Variants in ESF1 observed in about 807,000 individuals in gnomAD.
ESF1 encodes the protein ESF1 homolog.
In ESF1, 58 loss-of-function variants were observed where a neutral mutation model predicts 92.0. That is an observed-to-expected ratio of 0.63 (90% CI 0.51 to 0.78). The LOEUF is 0.78. ESF1 is among the 30% of genes least tolerant of loss of function. The pLI is 0.00. For missense variants in ESF1, 922 were observed against 989.1 expected, an observed-to-expected ratio of 0.93 and a Z score of 0.91; for synonymous variants, 321 against 313.7, an observed-to-expected ratio of 1.02 and a Z score of -0.24.
rs1416271025 is a variant in ESF1, at chr20:13,775,895, TTATC to T, written c.1009_1012del (p.Asp337LysfsTer13). 2 of 1,608,526 alleles carry T rather than the reference TTATC, an allele frequency of 1.2e-6. No individual in the cohort carries two copies. Among genetic ancestry groups the T allele is most frequent in the Admixed American group, 1.7e-5 (1 of 59,316 alleles). On this transcript the variant is annotated frameshift_variant, in exon 3 of 14. Transcript: ENST00000617257. LOFTEE classifies it high-confidence loss of function. ...TACCTCATCAGCACGAGGAGCATCT[TTATC>T]TAATTCTCTCCAAGCATGCTCAAAA...
At chr20:13,738,317 C>CT (rs33948226) in intron 9 of ESF1, among the ~76,000 whole-genome samples, 124,893 of 144,634 alleles carry the variant, frequency 0.86, 53,988 homozygotes, top group East Asian at 0.98. Context: ...CTCTCCTAAA[C>CT]TTTTTTTTTT....
chr20:13,746,742 G>C (rs901854335), intron 9 of ESF1, among the ~76,000 whole-genome samples: 3 of 152,078 alleles, frequency 2.0e-5, no homozygotes, highest in Non-Finnish European at 2.9e-5. Context: ...ACACTTCTTT[G>C]TTATAAAAAA....
At chr20:13,724,210 G>A (rs369539933) in intron 11 of ESF1, among the ~76,000 whole-genome samples, 17 of 152,254 alleles carry the variant, frequency 1.1e-4, no homozygotes, top group East Asian at 9.6e-4. Flanking sequence ...CAGGAGAATC[G>A]CTTGAACCCA....
At position 13,771,323 on chromosome 20, in the gene ESF1, T is replaced by C. The variant is rs1173641991; in HGVS notation, c.1403+8A>G. 2 of 1,609,442 alleles carry C rather than the reference T, an allele frequency of 1.2e-6. No homozygotes were observed. Among genetic ancestry groups the C allele is most frequent in the Admixed American group, 1.7e-5 (1 of 59,818 alleles). On this transcript the variant is annotated splice_region_variant and intron_variant, in intron 6 of 13. Coordinates refer to ENST00000617257, the MANE Select transcript of ESF1 (RefSeq NM_001276380.2). ...AAGATTAAATTGGTAATACATACAC[T>C]GGATTACCTTAGATCTATGAAAGAA...
At chr20:13,719,204 A>C (rs2049851239) in intron 11 of ESF1, among the ~76,000 whole-genome samples, 1 of 152,186 alleles carries the variant, frequency 6.6e-6, no homozygotes, top group Non-Finnish European at 1.5e-5. Context: ...ACAAAGGAAG[A>C]ATTTCTTTCA....
At chr20:13,770,080 G>T in intron 6 of ESF1, 59 bp from the exon 7 acceptor site, 2 of 957,610 alleles carry the variant, frequency 2.1e-6, no homozygotes, top group Non-Finnish European at 1.6e-6. Flanking sequence ...CCACAGTTTA[G>T]ATTCTCATCT....
At chr20:13,752,949 C>T (rs1017504920) in intron 9 of ESF1, among the ~76,000 whole-genome samples, 2 of 152,098 alleles carry the variant, frequency 1.3e-5, no homozygotes, top group Non-Finnish European at 2.9e-5. Context: ...TCCTTGCCAG[C>T]GTGAGACAGT....
intron 4 of ESF1, among the ~76,000 whole-genome samples, 157 bp downstream of exon 4, chr20:13,775,000 C>G (rs1427036401): frequency 6.6e-6 from 1 of 150,728 alleles, no homozygotes. Flanking sequence ...TCCTTTCTAA[C>G]ATTTATACCT....
Position 13,770,021 on chromosome 20 carries a change from C to T in ESF1, c.1404G>A (p.Arg468=). 3 of 1,578,516 alleles carry T rather than the reference C, an allele frequency of 1.9e-6. No individual in the cohort carries two copies. The highest frequency in any genetic ancestry group is 2.6e-6 in the Non-Finnish European group (3 of 1,161,554). The change falls in exon 7 of 14, where the codon AGG becomes AGA. Residue 468 remains arginine (R), a splice_region_variant and synonymous_variant. Transcript: ENST00000617257. Reference sequence around the variant, plus strand: ...CAAAAGTAATATCATCTGGTATAAACCTAAGAAGTAAAGAAAAAAAATTTA... The same window carrying T: ...CAAAAGTAATATCATCTGGTATAAATCTAAGAAGTAAAGAAAAAAAATTTA... ...FESSCSFIDL[R]FIPDDITFDD...
intron 9 of ESF1, among the ~76,000 whole-genome samples, chr20:13,758,710 C>T (rs149683178): frequency 0.012 from 1,754 of 152,230 alleles, 20 homozygotes; most frequent in Non-Finnish European, 0.018. Context: ...AAGAACTGAA[C>T]CCTTATCCAA....
intron 2 of ESF1, among the ~76,000 whole-genome samples, chr20:13,780,384 T>C (rs1980124574): frequency 6.6e-6 from 1 of 152,204 alleles, no homozygotes; most frequent in Admixed American, 6.5e-5. Flanking sequence ...ACTAATTCAG[T>C]GTCAAATCAA....
chr20:13,721,759 A>G (rs889948160), intron 11 of ESF1, among the ~76,000 whole-genome samples: 5 of 152,208 alleles, frequency 3.3e-5, no homozygotes, highest in Admixed American at 1.3e-4. Flanking sequence ...TATCAGTGCT[A>G]CCAAGCCATT....
Position 13,753,139 on chromosome 20 carries a change from T to A in ESF1, c.1828+6553A>T, listed in dbSNP as rs1978715610. Among the ~76,000 whole-genome samples the A allele has an allele frequency of 4.6e-5, 7 of 152,230 alleles. No individual in the cohort carries two copies. The South Asian group carries it at 1.5e-3, about 32-fold the overall frequency. ...ATTCATACTTAAATCTGCCACCACA[T>A]GAAGTTTACAATTTCCAAATCATTC... On this transcript the variant is annotated intron_variant, in intron 9 of 13. Transcript: ENST00000617257.
At chr20:13,779,245 C>T (rs1980076883) in intron 2 of ESF1, among the ~76,000 whole-genome samples, 1 of 151,854 alleles carries the variant, frequency 6.6e-6, no homozygotes, top group African/African-American at 2.4e-5. Context: ...AACTGCTTTA[C>T]CATTTTCCCC....
chr20:13,718,787 A>G, intron 12 of ESF1, 121 bp downstream of exon 12: 1 of 549,362 alleles, frequency 1.8e-6, no homozygotes, highest in South Asian at 4.4e-5. Flanking sequence ...TGTCTCTTAC[A>G]ATTTAGTTAT....
At chr20:13,775,344 A>G (rs536178023) in intron 3 of ESF1, 74 bp from the exon 4 acceptor site, 2 of 954,082 alleles carry the variant, frequency 2.1e-6, no homozygotes, top group East Asian at 4.9e-5. Flanking sequence ...GATTCTAAAA[A>G]TGTAATGCCT....
In ESF1 at chr20:13,733,745, T is replaced by C; in HGVS notation, c.1926A>G (p.Lys642=). Residue 642 remains lysine, a synonymous_variant, in exon 10 of 14, where the codon AAA becomes AAG. Coordinates refer to ENST00000617257, the MANE Select transcript of ESF1 (RefSeq NM_001276380.2). The part of the protein sequence containing the change: ...WEQFLEKKKE[K]KRLKRKQKAL... Reference sequence around the variant, plus strand: ...CCTTCTGTTTCCTTTTCAGTCTTTTTTTCTCTTTCTTCTTCTCTAAAAATT... The same window carrying C: ...CCTTCTGTTTCCTTTTCAGTCTTTTCTTCTCTTTCTTCTTCTCTAAAAATT... 1 of 1,612,374 alleles carries C rather than the reference T, an allele frequency of 6.2e-7. No homozygotes were observed. Among genetic ancestry groups the C allele is most frequent in the Non-Finnish European group, 8.5e-7 (1 of 1,179,676 alleles).
At chr20:13,783,234 T>C in intron 1 of ESF1, 51 bp from the exon 2 acceptor site, 2 of 1,215,770 alleles carry the variant, frequency 1.6e-6, no homozygotes, top group Non-Finnish European at 2.2e-6. Flanking sequence ...GTACAATAAT[T>C]AAATGTTTTA....
rs912948247 is a variant in ESF1 at position 13,724,588 on chromosome 20, T to C, written c.2038+3790A>G. 2.6e-5 allele frequency among the ~76,000 whole-genome samples: 4 copies of C among 152,220 alleles called. No individual in the cohort carries two copies. The East Asian group carries it at 5.8e-4, about 22-fold the overall frequency. The stretch of plus-strand genomic sequence containing the variant: ...TGTTAAGCACAAATTTAGTTTTTGC[T>C]GGGGAGGAAAAGGTTCAGAATTGAG... On this transcript the variant is annotated intron_variant, in intron 11 of 13. Transcript: ENST00000617257.
Sources: allele counts gnomAD v4.1 joint callset (sites outside exome capture counted in the v4.1 genomes callset), GRCh38; gene constraint gnomAD v4.1.1; transcripts MANE v1.5; gene names NCBI Gene and HGNC (gene_info 2026-07-23, HGNC 2026-07-21).